IL1RAPL2: variants seen among roughly 807,000 people sequenced by gnomAD.
The protein encoded by IL1RAPL2 is X-linked interleukin-1 receptor accessory protein-like 2.
Under a neutral mutation model 44.1 loss-of-function variants are expected in IL1RAPL2, and 3 were observed. The observed-to-expected ratio is 0.07, with a 90% CI of 0.03 to 0.18. IL1RAPL2 has a LOEUF of 0.18. Ranked by LOEUF, IL1RAPL2 falls within the 10% of genes least tolerant of loss-of-function variation. IL1RAPL2 has a pLI of 1.00. For synonymous variants in IL1RAPL2, 181 were observed against 178.8 expected, an observed-to-expected ratio of 1.01 and a Z score of -0.10; for missense variants, 391 against 496.4, an observed-to-expected ratio of 0.79 and a Z score of 2.02.
chrX:105,325,541 TTATATA>T (rs3035842), intron 5 of IL1RAPL2, among the ~76,000 whole-genome samples: 13,145 of 75,685 alleles, frequency 0.17, 978 homozygotes, highest in African/African-American at 0.2. Context: ...TCTCTTGGTT[TTATATA>T]TATATATATA....
intron 2 of IL1RAPL2, among the ~76,000 whole-genome samples, chrX:104,811,744 C>A (rs1215249135): frequency 9.0e-6 from 1 of 110,906 alleles, no homozygotes; most frequent in African/African-American, 3.3e-5. Context: ...GAAGCAGTGT[C>A]TGGGTCCCAC....
In IL1RAPL2 at chrX:104,853,859, C is replaced by T. The variant is rs940123404; in HGVS notation, c.82+194864C>T. 1.3e-3 allele frequency among the ~76,000 whole-genome samples: 124 copies of T among 97,090 alleles called. 1 individual carries two copies. The highest frequency in any genetic ancestry group is 5.2e-3 in the Middle Eastern group (1 of 192). 84.3% of individuals were successfully genotyped at this position (97,090 alleles called of 115,157 possible). A position where few individuals can be genotyped will look rare whatever the true frequency, so the allele number is the denominator to read the frequency against. Reference sequence around the variant, plus strand: ...CGGAGCTTGCAGTGAGCCGAGATCGCGCCACTGCACTCCAGCCTGGGCGAC... The same window carrying T: ...CGGAGCTTGCAGTGAGCCGAGATCGTGCCACTGCACTCCAGCCTGGGCGAC... On this transcript the variant is annotated intron_variant, in intron 2 of 10. Coordinates refer to ENST00000372582, the MANE Select transcript of IL1RAPL2 (RefSeq NM_017416.2).
At chrX:105,204,300 A>G (rs2033742602) in intron 3 of IL1RAPL2, among the ~76,000 whole-genome samples, 1 of 111,471 alleles carries the variant, frequency 9.0e-6, no homozygotes, top group Admixed American at 9.6e-5. Context: ...ACTGATCAGT[A>G]TAGGGGTCCT....
intron 3 of IL1RAPL2, among the ~76,000 whole-genome samples, chrX:105,204,130 A>G (rs2033740815): frequency 1.8e-5 from 2 of 110,627 alleles, no homozygotes; most frequent in South Asian, 7.8e-4. Flanking sequence ...AAGCAGGAAA[A>G]TCAACACTCC....
Position 105,042,528 on chromosome X carries a change from A to C in IL1RAPL2, c.83-152947A>C, listed in dbSNP as rs1262596753. 1.1e-3 allele frequency among the ~76,000 whole-genome samples: 123 copies of C among 107,523 alleles called. 1 individual carries two copies. The highest frequency in any genetic ancestry group is 2.2e-3 in the Non-Finnish European group (112 of 51,871). The allele number at this position is 107,523 out of a possible 115,157, so 93.4% of individuals were successfully genotyped here. A position where few individuals can be genotyped will look rare whatever the true frequency, so the allele number is the denominator to read the frequency against. The stretch of plus-strand genomic sequence containing the variant: ...AAATGCAAATCAAAACCACAATGAG[A>C]TACCACCTCACACCAGTTAGAATGG... On this transcript the variant is annotated intron_variant, in intron 2 of 10. Coordinates refer to ENST00000372582, the MANE Select transcript of IL1RAPL2 (RefSeq NM_017416.2).
intron 5 of IL1RAPL2, among the ~76,000 whole-genome samples, chrX:105,315,095 A>T (rs1409803426): frequency 8.9e-6 from 1 of 111,780 alleles, no homozygotes; most frequent in Non-Finnish European, 1.9e-5. Context: ...TTCAGCCAAA[A>T]GTATATGTGC....
chrX:105,403,370 A>G (rs1398127964), intron 5 of IL1RAPL2, among the ~76,000 whole-genome samples: 6 of 111,475 alleles, frequency 5.4e-5, no homozygotes, highest in East Asian at 5.7e-4. Context: ...AGTAAATGAC[A>G]TTTTGAAATA....
chrX:104,753,894 C>A (rs1932303614), intron 2 of IL1RAPL2, among the ~76,000 whole-genome samples: 2 of 111,777 alleles, frequency 1.8e-5, no homozygotes, highest in South Asian at 7.3e-4. Flanking sequence ...AATTCTTTTT[C>A]AATTCTATGA....
intron 6 of IL1RAPL2, among the ~76,000 whole-genome samples, chrX:105,702,648 C>T (rs1412962158): frequency 8.9e-6 from 1 of 111,913 alleles, no homozygotes; most frequent in African/African-American, 3.2e-5. Context: ...AAGTATGAGG[C>T]CCACTGGGGT....
chrX:105,194,788 A>C (rs1437176847), intron 2 of IL1RAPL2, among the ~76,000 whole-genome samples: 3 of 112,008 alleles, frequency 2.7e-5, no homozygotes, highest in Non-Finnish European at 5.6e-5. Context: ...TACTTTCTCA[A>C]AGGCAAATAA....
At chrX:105,592,132 G>A (rs1226695525) in intron 6 of IL1RAPL2, among the ~76,000 whole-genome samples, 1 of 111,770 alleles carries the variant, frequency 8.9e-6, no homozygotes, top group Admixed American at 9.5e-5. Context: ...GGATCTTTAT[G>A]TCTTCTTGTT....
intron 2 of IL1RAPL2, among the ~76,000 whole-genome samples, chrX:104,915,155 T>C (rs1266868472): frequency 1.3e-4 from 14 of 111,669 alleles, no homozygotes; most frequent in Non-Finnish European, 2.3e-4. Flanking sequence ...ACTTCCACAA[T>C]GGTTGAACTA....
rs180761036 is a variant in IL1RAPL2 at position 104,815,981 on chromosome X, A to G, written c.82+156986A>G. ...AAAAATTCTGTTTAGGAAGACTTCT[A>G]AAATATTTCATTCCATGCTAGTTAA... On this transcript the variant is annotated intron_variant, in intron 2 of 10. Transcript: ENST00000372582. Among the ~76,000 whole-genome samples, 11 of 111,282 alleles carry G rather than the reference A, an allele frequency of 9.9e-5. No homozygotes were observed. In the East Asian group the frequency reaches 3.1e-3, roughly 31 times the overall value.
intron 2 of IL1RAPL2, among the ~76,000 whole-genome samples, chrX:105,007,586 G>T (rs754659638): frequency 3.6e-5 from 4 of 111,527 alleles, no homozygotes; most frequent in African/African-American, 9.7e-5. Context: ...AATCCTTAAG[G>T]CTTCTTCCAA....
intron 2 of IL1RAPL2, among the ~76,000 whole-genome samples, chrX:104,782,292 C>T (rs753295951): frequency 1.6e-3 from 172 of 110,566 alleles, no homozygotes; most frequent in Non-Finnish European, 2.9e-3. Flanking sequence ...ATCATCATCC[C>T]CTTCCAGAAT....
chrX:105,363,398 A>G (rs1406837328), intron 5 of IL1RAPL2, among the ~76,000 whole-genome samples: 1 of 100,896 alleles, frequency 9.9e-6, no homozygotes, highest in Non-Finnish European at 2.0e-5. Context: ...TAATGCAGCA[A>G]TGAACAAGGG....
chrX:104,595,251 G>A (rs917014197), intron 1 of IL1RAPL2, among the ~76,000 whole-genome samples: 1 of 111,221 alleles, frequency 9.0e-6, no homozygotes, highest in Non-Finnish European at 1.9e-5. Flanking sequence ...ATGTTGAGGT[G>A]GGAAGGGGAA....
intron 6 of IL1RAPL2, among the ~76,000 whole-genome samples, chrX:105,672,701 C>A (rs1219498686): frequency 1.8e-5 from 2 of 112,251 alleles, no homozygotes; most frequent in African/African-American, 6.5e-5. Flanking sequence ...TGCTAGACAA[C>A]TTGTTACAGC....
At chrX:104,941,474 T>A (rs1190729789) in intron 2 of IL1RAPL2, among the ~76,000 whole-genome samples, 1 of 112,242 alleles carries the variant, frequency 8.9e-6, no homozygotes, top group Non-Finnish European at 1.9e-5. Flanking sequence ...CATTTTTTCA[T>A]GTGTCTGTTG....
Sources: gnomAD v4.1 joint callset for allele counts (sites outside exome capture counted in the v4.1 genomes callset) on GRCh38, gnomAD v4.1.1 for gene constraint, MANE v1.5 for transcripts, NCBI Gene and HGNC (gene_info 2026-07-23, HGNC 2026-07-21) for gene names.